WDFY3: variants seen among roughly 807,000 people sequenced by gnomAD.
The protein encoded by WDFY3 is WD repeat and FYVE domain-containing protein 3.
Under a neutral mutation model 409.6 loss-of-function variants are expected in WDFY3, and 66 were observed. That is an observed-to-expected ratio of 0.16 (90% confidence interval 0.13 to 0.20). The LOEUF (loss-of-function observed/expected upper bound fraction) is 0.20. WDFY3 is among the 10% of genes least tolerant of loss of function. The pLI, the probability that WDFY3 is intolerant of heterozygous loss-of-function variation, is 1.00. For missense variants in WDFY3, 3,031 were observed against 4,298.1 expected (o/e 0.71, Z 8.24); for synonymous variants, 1,521 against 1,537.1 (o/e 0.99, Z 0.25).
chr4:84,709,399 GA>G, intron 51 of WDFY3, 52 bp from the exon 52 acceptor site: 1 of 1,529,520 alleles, frequency 6.5e-7, no homozygotes, highest in Non-Finnish European at 8.9e-7. Flanking sequence ...TTTTAAATCT[GA>G]AAAATTATAA....
intron 44 of WDFY3, among the ~76,000 whole-genome samples, chr4:84,728,403 G>A (rs1014419897): frequency 1.3e-5 from 2 of 151,936 alleles, no homozygotes; most frequent in African/African-American, 4.8e-5. Context: ...AGTGGTGCAT[G>A]ACTGTAATTC....
chr4:84,689,655 CTTAAT>C (rs1006819120), intron 61 of WDFY3, among the ~76,000 whole-genome samples: 2 of 152,126 alleles, frequency 1.3e-5, no homozygotes, highest in African/African-American at 4.8e-5. Context: ...TCAGACAGAA[CTTAAT>C]TTAAATTATA....
At chr4:84,876,667 T>C (rs555272697) in intron 3 of WDFY3, among the ~76,000 whole-genome samples, 1 of 152,134 alleles carries the variant, frequency 6.6e-6, no homozygotes, top group Admixed American at 6.5e-5. Context: ...TAGTAAGTGG[T>C]TGGTGAATAA....
intron 50 of WDFY3, among the ~76,000 whole-genome samples, chr4:84,714,440 A>G (rs915071980): frequency 2.6e-5 from 4 of 152,188 alleles, no homozygotes; most frequent in Non-Finnish European, 5.9e-5. Flanking sequence ...GTAAATTTTA[A>G]ATATAGTTTA....
intron 3 of WDFY3, among the ~76,000 whole-genome samples, chr4:84,864,951 A>C (rs1159725808): frequency 1.3e-5 from 2 of 152,022 alleles, no homozygotes; most frequent in Non-Finnish European, 2.9e-5. Context: ...GCAGTGGTGC[A>C]ATCACTGTGC....
intron 64 of WDFY3, 29 bp from the exon 65 acceptor site, chr4:84,679,271 A>G (rs1726908013): frequency 6.9e-7 from 1 of 1,456,058 alleles, no homozygotes; most frequent in Non-Finnish European, 9.1e-7. Context: ...GAATTGGAAC[A>G]TACGGAACCA....
chr4:84,921,765 C>A lies in WDFY3; in HGVS notation c.-132+10505G>T, dbSNP rs1410605772. Among the ~76,000 whole-genome samples, 4 of 139,720 alleles carry A rather than the reference C, an allele frequency of 2.9e-5. No individual in the cohort carries two copies. In the East Asian group the frequency reaches 9.4e-4, roughly 33 times the overall value. 91.7% of individuals were successfully genotyped at this position (139,720 alleles called of 152,430 possible). ...CTCCACCTCCTGGGTTCAAGCAATT[C>A]TCTGCCTCAGCCTCCCTAGTAGCTG... is the stretch of plus-strand genomic sequence containing the variant. On this transcript the variant is annotated intron_variant, in intron 2 of 67. Transcript: ENST00000295888.
At position 84,672,879 on chromosome 4, in the gene WDFY3, G is replaced by C. The variant is rs750546095; in HGVS notation, c.10570C>G (p.Arg3524Gly). Reference sequence around the variant, plus strand: ...AGCTTGTTGAATCTTCAACAATTTCGAGGCCCATCTTCTGAACCTCTCTCA... The same window carrying C: ...AGCTTGTTGAATCTTCAACAATTTCCAGGCCCATCTTCTGAACCTCTCTCA... ...QHERGSEDGP[R>G]NC Residue 3524 changes from arginine (R) to glycine (G), a missense_variant, in exon 68 of 68, where the codon CGA becomes GGA. Arg to Gly is a moderately radical substitution (Grantham distance 125, BLOSUM62 -2). Transcript: ENST00000295888. 1 of 1,613,960 alleles carries C rather than the reference G, an allele frequency of 6.2e-7. No individual in the cohort carries two copies. The highest frequency in any genetic ancestry group is 8.5e-7 in the Non-Finnish European group (1 of 1,179,924).
chr4:84,786,378 T>C lies in WDFY3; in HGVS notation c.3902-239A>G, dbSNP rs574881806. On this transcript the variant is annotated intron_variant, in intron 23 of 67. Transcript: ENST00000295888. Reference sequence around the variant, plus strand: ...TGCCACTCTTAAAACATGTTTAACATATAGCACAACGTAAAGGATGAAAAG... The same window carrying C: ...TGCCACTCTTAAAACATGTTTAACACATAGCACAACGTAAAGGATGAAAAG... Among the ~76,000 whole-genome samples the C allele has an allele frequency of 2.0e-5, 3 of 152,310 alleles. No homozygotes were observed. The South Asian group carries it at 6.2e-4, about 32-fold the overall frequency.
Position 84,726,883 on chromosome 4 carries a change from G to A in WDFY3, c.7250C>T (p.Thr2417Ile), listed in dbSNP as rs1735748109. 2 of 1,608,390 alleles carry A rather than the reference G, an allele frequency of 1.2e-6. No homozygotes were observed. The highest frequency in any genetic ancestry group is 2.7e-5 in the African/African-American group (2 of 74,384). The change falls in exon 45 of 68, where the codon ACA becomes ATA. Residue 2417 changes from threonine (T) to isoleucine (I), a missense_variant. Around this residue, in one of 16 missense-constraint regions of WDFY3, gnomAD observed 127 missense variants for 144.4 expected, o/e 0.88. Coordinates refer to ENST00000295888, the MANE Select transcript of WDFY3 (RefSeq NM_014991.6). ...TACCTTTTGAGGAATATCATCGGGT[G>A]TCTCAGGCTGTTTACTTGGGATCTC... ...ASEIPSKQPE[T>I]PDDIPQKKPA...
intron 32 of WDFY3, among the ~76,000 whole-genome samples, chr4:84,763,641 G>A (rs1743102623): frequency 6.6e-6 from 1 of 151,550 alleles, no homozygotes; most frequent in East Asian, 1.9e-4. Flanking sequence ...TTCCGATCAA[G>A]GAGAAATAGA....
At chr4:84,862,531 C>G (rs1206632328) in intron 3 of WDFY3, among the ~76,000 whole-genome samples, 3 of 152,096 alleles carry the variant, frequency 2.0e-5, no homozygotes, top group Non-Finnish European at 4.4e-5. Context: ...ATCCCCAGAA[C>G]AAAACTTAAA....
chr4:84,830,733 C>G (rs1755583305), intron 8 of WDFY3, among the ~76,000 whole-genome samples: 1 of 152,092 alleles, frequency 6.6e-6, no homozygotes, highest in Non-Finnish European at 1.5e-5. Flanking sequence ...AGATTATTAC[C>G]TAGTAACTTA....
chr4:84,887,832 A>C (rs1764430364), intron 3 of WDFY3, among the ~76,000 whole-genome samples: 2 of 152,196 alleles, frequency 1.3e-5, no homozygotes, highest in South Asian at 2.1e-4. Context: ...AGCAATGGCA[A>C]TTTTATTTTC....
At chr4:84,765,567 C>T (rs1241004559) in intron 32 of WDFY3, among the ~76,000 whole-genome samples, 1 of 152,086 alleles carries the variant, frequency 6.6e-6, no homozygotes, top group Non-Finnish European at 1.5e-5. Flanking sequence ...AAGGCCTATA[C>T]TACAAAAAGA....
In WDFY3 at chr4:84,766,281, T is replaced by C. The variant is rs768354194; in HGVS notation, c.4941A>G (p.Thr1647=). 1.9e-6 allele frequency: 3 copies of C among 1,592,736 alleles called. No individual in the cohort carries two copies. Among genetic ancestry groups the C allele is most frequent in the East Asian group, 2.2e-5 (1 of 44,614 alleles). ...LLDILLKLIY[T]SKEKTSINLQ... Reference sequence around the variant, plus strand: ...AATTAATGCTTGTCTTTTCTTTAGATGTATAAATTAGTTTTAGCAAGATAT... The same window carrying C: ...AATTAATGCTTGTCTTTTCTTTAGACGTATAAATTAGTTTTAGCAAGATAT... The change falls in exon 31 of 68, where the codon ACA becomes ACG. Residue 1647 remains threonine, a synonymous_variant. Coordinates refer to ENST00000295888, the MANE Select transcript of WDFY3 (RefSeq NM_014991.6).
chr4:84,813,366 A>G (rs996911189), intron 13 of WDFY3, among the ~76,000 whole-genome samples: 5 of 152,216 alleles, frequency 3.3e-5, no homozygotes, highest in Admixed American at 1.3e-4. Flanking sequence ...ACGTACAATC[A>G]TAATTAAAAA....
intron 56 of WDFY3, among the ~76,000 whole-genome samples, chr4:84,697,127 C>T (rs762023140): frequency 5.9e-5 from 9 of 152,142 alleles, no homozygotes; most frequent in Non-Finnish European, 8.8e-5. Context: ...CAGGACTCCT[C>T]GGAGGTTTAA....
Position 84,923,397 on chromosome 4 carries a change from T to C in WDFY3, c.-132+8873A>G, listed in dbSNP as rs137972375. ...CCTAGCCCAAGCCCCCCCACCTTAT[T>C]ACATTTTTTGCAAGTTACTGCTTTT... On this transcript the variant is annotated intron_variant, in intron 2 of 67. Coordinates refer to ENST00000295888, the MANE Select transcript of WDFY3 (RefSeq NM_014991.6). Among the ~76,000 whole-genome samples the C allele has an allele frequency of 5.1e-3, 784 of 152,316 alleles. 6 individuals are homozygous for C. Among genetic ancestry groups the C allele is most frequent in the African/African-American group, 0.018 (737 of 41,576 alleles).
Sources: allele counts gnomAD v4.1 joint callset (sites outside exome capture counted in the v4.1 genomes callset), GRCh38; gene constraint gnomAD v4.1.1; regional missense constraint gnomAD v4.1.1; transcripts MANE v1.5; gene names NCBI Gene and HGNC (gene_info 2026-07-23, HGNC 2026-07-21).